The following PIPOX variants were observed in gnomAD, a reference collection of about 807,000 sequenced individuals.
PIPOX encodes the protein pipecolic acid and sarcosine oxidase.
PIPOX carries 45 observed loss-of-function variants against 47.9 expected under a neutral mutation model. That is an observed-to-expected ratio of 0.94 (90% CI 0.74 to 1.20). PIPOX has a LOEUF of 1.20. PIPOX is among the 50% of genes most tolerant of loss of function. The pLI is 0.00. For synonymous variants in PIPOX, 165 were observed against 191.3 expected, an observed-to-expected ratio of 0.86 and a Z score of 1.13; for missense variants, 458 against 498.4, an observed-to-expected ratio of 0.92 and a Z score of 0.77.
chr17:29,045,705 G>A (rs2065783256), intron 2 of PIPOX, among the ~76,000 whole-genome samples: 1 of 152,026 alleles, frequency 6.6e-6, no homozygotes. Context: ...CACCGTGCCT[G>A]GCCCAGGATT....
At chr17:29,045,602 G>A (rs1472277956) in intron 2 of PIPOX, among the ~76,000 whole-genome samples, 3 of 151,654 alleles carry the variant, frequency 2.0e-5, no homozygotes, top group African/African-American at 7.3e-5. Context: ...GTAGAGACAG[G>A]GTTTCACCAT....
intron 1 of PIPOX, among the ~76,000 whole-genome samples, chr17:29,043,595 G>A (rs1673436853): frequency 1.3e-5 from 2 of 152,068 alleles, no homozygotes; most frequent in African/African-American, 4.8e-5. Context: ...TTGACCAAGC[G>A]TCCTAGGCCC....
At chr17:29,049,786 A>T (rs1167540451) in intron 2 of PIPOX, among the ~76,000 whole-genome samples, 1 of 152,230 alleles carries the variant, frequency 6.6e-6, no homozygotes, top group Non-Finnish European at 1.5e-5. Flanking sequence ...ATCCACGGAA[A>T]ATGAGAATTT....
chr17:29,054,798 G>A, intron 5 of PIPOX, 107 bp downstream of exon 5: 1 of 1,314,356 alleles, frequency 7.6e-7, no homozygotes, highest in Non-Finnish European at 1.1e-6. Context: ...GCCAGCAGCA[G>A]GAGCCTGCTT....
chr17:29,051,512 C>T (rs1031552623), intron 2 of PIPOX, among the ~76,000 whole-genome samples: 1 of 152,162 alleles, frequency 6.6e-6, no homozygotes, highest in Non-Finnish European at 1.5e-5. Flanking sequence ...TGTACCAGGC[C>T]GCTGCTGGGC....
rs1234824968 is a variant in PIPOX, at chr17:29,055,198, G to A, written c.943G>A (p.Val315Ile). 5.6e-6 allele frequency: 9 copies of A among 1,614,224 alleles called. No individual in the cohort carries two copies. The highest frequency in any genetic ancestry group is 1.6e-4 in the Middle Eastern group (1 of 6,062). The change falls in exon 6 of 8, where the codon GTC becomes ATC. Residue 315 changes from valine (V) to isoleucine (I), a missense_variant. By Grantham distance (29) the Val-to-Ile change is conservative. Transcript: ENST00000323372. Reference protein sequence around the residue: ...HLPDLKPEPAVIESCMYTNTP... With the variant: ...HLPDLKPEPAIIESCMYTNTP... The stretch of plus-strand genomic sequence containing the variant: ...ACCTGATCTGAAGCCCGAGCCTGCT[G>A]TCATTGAGAGCTGCATGTACACGGT...
In PIPOX at chr17:29,043,340, G is replaced by T. The variant is rs113283982; in HGVS notation, c.114+1G>T. ...GAAGAGGATCCTCCTGCTGGAGCAGGTACTGTGTCCCTTCTGCACCCCCAG... is the reference window on the plus strand; with the variant it reads ...GAAGAGGATCCTCCTGCTGGAGCAGTTACTGTGTCCCTTCTGCACCCCCAG... On this transcript the variant is annotated splice_donor_variant, in intron 1 of 7. Coordinates refer to ENST00000323372, the MANE Select transcript of PIPOX (RefSeq NM_016518.3). LOFTEE classifies it high-confidence loss of function. The T allele has an allele frequency of 6.2e-7, 1 of 1,605,660 alleles. No homozygotes were observed. The highest frequency in any genetic ancestry group is 8.5e-7 in the Non-Finnish European group (1 of 1,172,610).
rs1029709006 is a variant in PIPOX, at chr17:29,044,873, C to T, written c.129C>T (p.His43=). Residue 43 remains histidine (H), a synonymous_variant, in exon 2 of 8, where the codon CAC becomes CAT. Transcript: ENST00000323372. Reference sequence around the variant, plus strand: ...TCCACTTCCAGTTCTTTCTACCACACTCCCGAGGAAGCTCCCATGGACAAA... The same window carrying T: ...TCCACTTCCAGTTCTTTCTACCACATTCCCGAGGAAGCTCCCATGGACAAA... The part of the protein sequence containing the change: ...ILLLEQFFLP[H]SRGSSHGQSR... 6.2e-7 allele frequency: 1 copy of T among 1,612,638 alleles called. No individual in the cohort carries two copies. Among genetic ancestry groups the T allele is most frequent in the South Asian group, 1.1e-5 (1 of 90,794 alleles).
chr17:29,056,360 A>C lies in PIPOX; in HGVS notation c.*55A>C. 6.3e-7 allele frequency: 1 copy of C among 1,599,974 alleles called. No homozygotes were observed. Among genetic ancestry groups the C allele is most frequent in the Middle Eastern group, 1.7e-4 (1 of 5,994 alleles). The stretch of plus-strand genomic sequence containing the variant: ...CAGGAGCCAGTTTCACAGATGGAGA[A>C]GATGTCTCAGATGAAGGGAGTGTCC... On this transcript the variant is annotated 3_prime_UTR_variant, in exon 8 of 8. Coordinates refer to ENST00000323372, the MANE Select transcript of PIPOX (RefSeq NM_016518.3).
chr17:29,056,024 G>A (rs2065826622), intron 7 of PIPOX, 136 bp downstream of exon 7: 2 of 1,257,600 alleles, frequency 1.6e-6, no homozygotes, highest in Non-Finnish European at 2.3e-6. Context: ...AGGCTGGGCA[G>A]TCAGAAAAGG....
At chr17:29,051,927 C>T (rs371354147) in intron 2 of PIPOX, 66 of 469,588 alleles carry the variant, frequency 1.4e-4, no homozygotes, top group African/African-American at 2.6e-4. Flanking sequence ...CCTGGGTGGG[C>T]GGGTGAGTGG....
At position 29,055,844 on chromosome 17, in the gene PIPOX, G is replaced by A. The variant is rs767586516; in HGVS notation, c.998G>A (p.Arg333His). 10 of 1,613,772 alleles carry A rather than the reference G, an allele frequency of 6.2e-6. No homozygotes were observed. The highest frequency in any genetic ancestry group is 2.2e-5 in the East Asian group (1 of 44,898). Residue 333 changes from arginine (R) to histidine (H), a missense_variant, in exon 7 of 8, where the codon CGC (arginine) becomes CAC (histidine). Coordinates refer to ENST00000323372, the MANE Select transcript of PIPOX (RefSeq NM_016518.3). ...CCTGATGAGCAGTTCATTCTCGATC[G>A]CCACCCAAAGTATGACAACATTGTC... The part of the protein sequence containing the change: ...NTPDEQFILD[R>H]HPKYDNIVIG...
intron 2 of PIPOX, 51 bp downstream of exon 2, chr17:29,045,058 A>T (rs760023539): frequency 6.5e-7 from 1 of 1,527,624 alleles, no homozygotes; most frequent in East Asian, 2.3e-5. Flanking sequence ...ACCTGCAGGT[A>T]CTTTTAGTGT....
chr17:29,054,683 C>T lies in PIPOX; in HGVS notation c.799C>T (p.Leu267=). The part of the protein sequence containing the change: ...YGLPTGEYPG[L]MKVSYHHGNH... ...ACTGCCCACAGGAGAGTACCCAGGG[C>T]TGATGAAGGTGAGCGGAAAGACCGA... Residue 267 remains leucine, a synonymous_variant, in exon 5 of 8, where the codon CTG becomes TTG. Transcript: ENST00000323372. 1.2e-6 allele frequency: 2 copies of T among 1,613,812 alleles called. No homozygotes were observed. The highest frequency in any genetic ancestry group is 1.7e-6 in the Non-Finnish European group (2 of 1,179,774).
At chr17:29,056,110 G>A in intron 7 of PIPOX, 65 bp from the exon 8 acceptor site, 1 of 1,594,820 alleles carries the variant, frequency 6.3e-7, no homozygotes, top group South Asian at 1.1e-5. Flanking sequence ...GGGTAAGTAG[G>A]GGATGTCCAG....
rs2065785488 is a variant in PIPOX at position 29,046,339 on chromosome 17, G to A, written c.263+1332G>A. Reference sequence around the variant, plus strand: ...CACACTTCCTCCTAGCACACAATGAGGCAACTAAGAGACGTTAGAGTGTCT... The same window carrying A: ...CACACTTCCTCCTAGCACACAATGAAGCAACTAAGAGACGTTAGAGTGTCT... On this transcript the variant is annotated intron_variant, in intron 2 of 7. Transcript: ENST00000323372. 2.0e-5 allele frequency among the ~76,000 whole-genome samples: 3 copies of A among 152,266 alleles called. No homozygotes were observed. The South Asian group carries it at 6.2e-4, about 32-fold the overall frequency.
In PIPOX at chr17:29,055,907, G is replaced by C; in HGVS notation, c.1042+19G>C. ...TTCTCTGGTGAGTCTGAGCTGGGGG[G>C]AATGGGGTGCCTTAAAGCTGACCTA... On this transcript the variant is annotated intron_variant, in intron 7 of 7. Coordinates refer to ENST00000323372, the MANE Select transcript of PIPOX (RefSeq NM_016518.3). The C allele has an allele frequency of 6.2e-7, 1 of 1,609,338 alleles. No homozygotes were observed. Among genetic ancestry groups the C allele is most frequent in the Non-Finnish European group, 8.5e-7 (1 of 1,175,622 alleles).
chr17:29,043,420 G>A, intron 1 of PIPOX, 81 bp downstream of exon 1: 7 of 991,016 alleles, frequency 7.1e-6, no homozygotes, highest in African/African-American at 1.6e-5. Flanking sequence ...GAGCCAGCAG[G>A]CTACAGGGCA....
At chr17:29,045,899 C>G (rs746357186) in intron 2 of PIPOX, among the ~76,000 whole-genome samples, 2 of 152,144 alleles carry the variant, frequency 1.3e-5, no homozygotes, top group Non-Finnish European at 2.9e-5. Flanking sequence ...CTTCATGGCT[C>G]TCTCCAACCC....
Sources: allele counts gnomAD v4.1 joint callset (sites outside exome capture counted in the v4.1 genomes callset), GRCh38; gene constraint gnomAD v4.1.1; transcripts MANE v1.5; gene names NCBI Gene and HGNC (gene_info 2026-07-23, HGNC 2026-07-21).